NKAIN3: variants seen among roughly 807,000 people sequenced by gnomAD.
NKAIN3 encodes sodium/potassium-transporting ATPase subunit beta-1-interacting protein 3.
In NKAIN3, 25 loss-of-function variants were observed where a neutral mutation model predicts 30.2. That is an observed-to-expected ratio of 0.83 (90% CI 0.60 to 1.16). The LOEUF is 1.16. Among genes scored for constraint, NKAIN3 ranks in the 50% most tolerant of loss-of-function variants. NKAIN3 has a pLI of 0.00. For missense variants in NKAIN3, 225 were observed against 254.1 expected, an observed-to-expected ratio of 0.89 and a Z score of 0.78; for synonymous variants, 91 against 89.6, an observed-to-expected ratio of 1.02 and a Z score of -0.09.
At chr8:62,647,256 G>C (rs1315924558) in intron 3 of NKAIN3, among the ~76,000 whole-genome samples, 1 of 152,196 alleles carries the variant, frequency 6.6e-6, no homozygotes, top group African/African-American at 2.4e-5. Flanking sequence ...GCATAGAGCA[G>C]TTGTCTAAAA....
At chr8:62,790,677 C>T (rs897375904) in intron 4 of NKAIN3, among the ~76,000 whole-genome samples, 5 of 149,896 alleles carry the variant, frequency 3.3e-5, no homozygotes, top group South Asian at 2.1e-4. Flanking sequence ...ATGTCTAGTA[C>T]GTTTCCAGGC....
intron 1 of NKAIN3, among the ~76,000 whole-genome samples, chr8:62,343,085 ATAT>A (rs530327294): frequency 7.5e-4 from 114 of 152,136 alleles, no homozygotes; most frequent in African/African-American, 2.5e-3. Context: ...CTAAAACCAA[ATAT>A]TATTATTTAT....
At chr8:62,959,928 C>T (rs1823524243) in intron 6 of NKAIN3, among the ~76,000 whole-genome samples, 2 of 152,212 alleles carry the variant, frequency 1.3e-5, no homozygotes, top group Non-Finnish European at 2.9e-5. Flanking sequence ...GCCTGCCTTA[C>T]TTAGCACCAA....
intron 3 of NKAIN3, among the ~76,000 whole-genome samples, chr8:62,701,302 T>C (rs938845504): frequency 2.0e-5 from 3 of 152,226 alleles, no homozygotes; most frequent in African/African-American, 7.2e-5. Context: ...TTACTACACA[T>C]GACCAGCCAT....
intron 4 of NKAIN3, among the ~76,000 whole-genome samples, chr8:62,875,164 A>G (rs887290896): frequency 1.3e-5 from 2 of 152,150 alleles, no homozygotes; most frequent in Admixed American, 6.5e-5. Context: ...AATCACAACC[A>G]TTCCTATACA....
chr8:62,895,381 C>G (rs1821401229), intron 4 of NKAIN3, among the ~76,000 whole-genome samples: 1 of 152,206 alleles, frequency 6.6e-6, no homozygotes, highest in South Asian at 2.1e-4. Context: ...GAGGAGCAGT[C>G]ACAAACCAGC....
At chr8:62,919,328 T>A (rs976180464) in intron 5 of NKAIN3, among the ~76,000 whole-genome samples, 2 of 131,944 alleles carry the variant, frequency 1.5e-5, no homozygotes, top group African/African-American at 5.6e-5. Context: ...CACTGCAAGC[T>A]CCGCCTCCCA....
intron 1 of NKAIN3, among the ~76,000 whole-genome samples, chr8:62,402,451 G>A (rs1234685748): frequency 6.6e-6 from 1 of 152,190 alleles, no homozygotes; most frequent in African/African-American, 2.4e-5. Flanking sequence ...ATTTTGAATT[G>A]TACTTTCCAT....
chr8:62,779,309 G>T lies in NKAIN3; in HGVS notation c.471+32180G>T, dbSNP rs2101044. 1.0e-2 allele frequency among the ~76,000 whole-genome samples: 1,517 copies of T among 152,190 alleles called. 21 individuals are homozygous for T. The highest frequency in any genetic ancestry group is 0.031 in the South Asian group (149 of 4,818). On this transcript the variant is annotated intron_variant, in intron 4 of 6. Transcript: ENST00000623646. ...CCCAGGAGCGCAGTCCTTATGCTTA[G>T]CCTGCTTCTTGCATTTACTTAGGAC...
intron 1 of NKAIN3, among the ~76,000 whole-genome samples, chr8:62,362,958 C>T (rs1371702048): frequency 6.6e-6 from 1 of 152,014 alleles, no homozygotes; most frequent in East Asian, 1.9e-4. Context: ...GCCAAGACTC[C>T]CGAGATTAAG....
intron 4 of NKAIN3, among the ~76,000 whole-genome samples, chr8:62,900,228 A>G (rs537984741): frequency 1.7e-4 from 10 of 58,522 alleles, no homozygotes; most frequent in African/African-American, 1.4e-3. Flanking sequence ...CTTTTGACTC[A>G]TATCTTGTAT....
intron 4 of NKAIN3, among the ~76,000 whole-genome samples, chr8:62,783,549 G>C (rs1477960507): frequency 6.6e-6 from 1 of 151,070 alleles, no homozygotes; most frequent in Non-Finnish European, 1.5e-5. Context: ...CAACCAAGTT[G>C]ACCTGACTGA....
chr8:62,824,154 T>C (rs942328420), intron 4 of NKAIN3, among the ~76,000 whole-genome samples: 2 of 152,194 alleles, frequency 1.3e-5, no homozygotes, highest in Admixed American at 1.3e-4. Context: ...ATATGGACTC[T>C]TACAGGATAG....
chr8:62,368,714 T>C (rs1159213446), intron 1 of NKAIN3, among the ~76,000 whole-genome samples: 2 of 152,172 alleles, frequency 1.3e-5, no homozygotes, highest in Non-Finnish European at 2.9e-5. Context: ...CATCTGTTTG[T>C]CCAAACTCAG....
intron 1 of NKAIN3, among the ~76,000 whole-genome samples, chr8:62,364,657 G>A (rs567533420): frequency 3.3e-5 from 5 of 151,792 alleles, no homozygotes; most frequent in Non-Finnish European, 4.4e-5. Context: ...GGCTAACACC[G>A]TGACACCCCA....
intron 1 of NKAIN3, among the ~76,000 whole-genome samples, chr8:62,268,397 G>A (rs1291153427): frequency 6.6e-6 from 1 of 152,082 alleles, no homozygotes; most frequent in East Asian, 1.9e-4. Context: ...CCTGTAAAAT[G>A]GTCATGGCTT....
chr8:62,787,675 C>T (rs750997843), intron 4 of NKAIN3, among the ~76,000 whole-genome samples: 62 of 152,126 alleles, frequency 4.1e-4, no homozygotes, highest in Non-Finnish European at 8.2e-4. Context: ...GCTATCCCTC[C>T]CCACTTCCCC....
intron 3 of NKAIN3, among the ~76,000 whole-genome samples, chr8:62,683,397 T>TGC: frequency 6.6e-6 from 1 of 152,144 alleles, no homozygotes; most frequent in Admixed American, 6.5e-5. Context: ...CATGTCTTTA[T>TGC]CAAGTTACCA....
In NKAIN3 at chr8:62,863,184, T is replaced by TA. The variant is rs148511064; in HGVS notation, c.472-55268dup. 2,929 of 1,536,950 alleles carry TA rather than the reference T, an allele frequency of 1.9e-3. 46 individuals carry two copies. The African/African-American group carries it at 0.036, about 19-fold the overall frequency. On this transcript the variant is annotated intron_variant, in intron 4 of 6. Coordinates refer to ENST00000623646, the MANE Select transcript of NKAIN3 (RefSeq NM_001304533.3). The stretch of plus-strand genomic sequence containing the variant: ...TTTCGGCTTCTTGCTCCAATTCTTC[T>TA]ATCTCCTGCAGGCGTTTTTCCAATA...
Sources: gnomAD v4.1 joint callset for allele counts (sites outside exome capture counted in the v4.1 genomes callset) on GRCh38, gnomAD v4.1.1 for gene constraint, MANE v1.5 for transcripts, NCBI Gene and HGNC (gene_info 2026-07-23, HGNC 2026-07-21) for gene names.